The following PCDHA9 variants were observed in gnomAD, a reference collection of about 807,000 sequenced individuals.
The protein encoded by PCDHA9 is protocadherin alpha 9.
In PCDHA9, 62 loss-of-function variants were observed where a neutral mutation model predicts 62.0. The observed-to-expected ratio is 1.00, with a 90% CI of 0.81 to 1.23. PCDHA9 has a LOEUF of 1.23. PCDHA9 is among the 50% of genes most tolerant of loss of function. The pLI is 0.00. For missense variants in PCDHA9, 1,205 were observed against 1,249.8 expected (o/e 0.96, Z 0.54); for synonymous variants, 557 against 567.6 (o/e 0.98, Z 0.27).
chr5:140,948,108 G>A (rs902891466), intron 1 of PCDHA9, among the ~76,000 whole-genome samples: 2 of 151,096 alleles, frequency 1.3e-5, no homozygotes, highest in Non-Finnish European at 3.0e-5. Context: ...ATTTTTCTTC[G>A]TTTTACTAAT....
chr5:140,884,872 T>C (rs1427684688), intron 1 of PCDHA9, among the ~76,000 whole-genome samples: 1 of 152,216 alleles, frequency 6.6e-6, no homozygotes, highest in African/African-American at 2.4e-5. Context: ...CATAATGAAA[T>C]GTGCAAAACA....
chr5:140,871,171 G>GCTGC (rs782249857), intron 1 of PCDHA9: 2 of 1,613,534 alleles, frequency 1.2e-6, no homozygotes, highest in Non-Finnish European at 1.7e-6. Flanking sequence ...GAGCCCAGAG[G>GCTGC]CTGCGCTGGT....
At chr5:140,853,696 TAACGC>T (rs1477764717) in intron 1 of PCDHA9, 1 of 988,156 alleles carries the variant, frequency 1.0e-6, no homozygotes, top group African/African-American at 1.8e-5. Flanking sequence ...TTAGACCTGC[TAACGC>T]ATTAGCATTA....
At position 140,980,991 on chromosome 5, in the gene PCDHA9, C is replaced by G. The variant is rs888673669; in HGVS notation, c.2454-1484C>G. Among the ~76,000 whole-genome samples the G allele has an allele frequency of 1.2e-4, 18 of 151,972 alleles. 1 individual carries two copies. Among genetic ancestry groups the G allele is most frequent in the Non-Finnish European group, 8.8e-5 (6 of 68,014 alleles). ...AATCTGACTGAGCCCACACAATTTG[C>G]TAGTAGGATCCAGGAACACTTGAAG... On this transcript the variant is annotated intron_variant, in intron 2 of 3. Transcript: ENST00000532602.
intron 1 of PCDHA9, among the ~76,000 whole-genome samples, chr5:140,953,847 A>G (rs1165540937): frequency 6.6e-6 from 1 of 152,200 alleles, no homozygotes. Flanking sequence ...CCAGGTAAAC[A>G]TGTGCCATGG....
intron 1 of PCDHA9, chr5:140,927,159 C>G (rs782468229): frequency 6.2e-7 from 1 of 1,614,046 alleles, no homozygotes; most frequent in Non-Finnish European, 8.5e-7. Context: ...TGTGCAGGGC[C>G]AAAGCTGCCT....
intron 1 of PCDHA9, chr5:140,852,917 T>A: frequency 1.3e-6 from 1 of 767,560 alleles, no homozygotes; most frequent in Non-Finnish European, 1.6e-6. Context: ...CTCGCTCTGT[T>A]GCCCAGGCTG....
chr5:140,908,287 C>G (rs781987945), intron 1 of PCDHA9, among the ~76,000 whole-genome samples: 1 of 152,136 alleles, frequency 6.6e-6, no homozygotes, highest in African/African-American at 2.4e-5. Flanking sequence ...TTGTTGCAAG[C>G]TGGGGAAGAG....
chr5:140,874,903 C>A (rs543752012), intron 1 of PCDHA9, among the ~76,000 whole-genome samples: 1 of 152,054 alleles, frequency 6.6e-6, no homozygotes, highest in Non-Finnish European at 1.5e-5. Context: ...TAAAATCTTA[C>A]GATGGAGTGC....
intron 1 of PCDHA9, among the ~76,000 whole-genome samples, chr5:140,950,908 T>G (rs1259421351): frequency 6.6e-6 from 1 of 152,072 alleles, no homozygotes; most frequent in Non-Finnish European, 1.5e-5. Flanking sequence ...TTTATTTTTA[T>G]TTTATTTCAG....
At chr5:140,921,428 T>G (rs1291283426) in intron 1 of PCDHA9, among the ~76,000 whole-genome samples, 1 of 152,190 alleles carries the variant, frequency 6.6e-6, no homozygotes, top group Non-Finnish European at 1.5e-5. Context: ...GACAAAAATT[T>G]TCTTCAATGG....
chr5:140,910,346 G>C (rs2074987326), intron 1 of PCDHA9, among the ~76,000 whole-genome samples: 1 of 152,152 alleles, frequency 6.6e-6, no homozygotes, highest in Admixed American at 6.5e-5. Flanking sequence ...CTTTGCCTCT[G>C]CTGTCCATTA....
At chr5:140,990,988 C>A (rs1332573282) in intron 3 of PCDHA9, among the ~76,000 whole-genome samples, 5 of 152,184 alleles carry the variant, frequency 3.3e-5, no homozygotes, top group Admixed American at 6.5e-5. Flanking sequence ...AAGACAATAG[C>A]TACCATTTAT....
rs2150495171 is a variant in PCDHA9, at chr5:140,850,706, G to C, written c.2211G>C (p.Pro737=). 11 of 1,598,012 alleles carry C rather than the reference G, an allele frequency of 6.9e-6. 1 individual carries two copies. The highest frequency in any genetic ancestry group is 1.7e-5 in the Admixed American group (1 of 59,234). ...PTEGECAPGK[P]TLVCSSAVGS... is the part of the protein sequence containing the mutation. The stretch of plus-strand genomic sequence containing the variant: ...AGGGCGAGTGCGCGCCTGGCAAGCC[G>C]ACGCTGGTGTGTTCTAGCGCGGTGG... The change falls in exon 1 of 4, where the codon CCG becomes CCC. Residue 737 remains proline (P), a synonymous_variant. Transcript: ENST00000532602.
Position 140,851,554 on chromosome 5 carries a change from A to G in PCDHA9, c.2394+665A>G. On this transcript the variant is annotated intron_variant, in intron 1 of 3. Transcript: ENST00000532602. Reference sequence around the variant, plus strand: ...AATGTAGATAATTCAAGAAATGTTGACTGAAATTTTGTCTACACTTAGAAC... The same window carrying G: ...AATGTAGATAATTCAAGAAATGTTGGCTGAAATTTTGTCTACACTTAGAAC... 9.9e-6 allele frequency: 9 copies of G among 909,036 alleles called. 1 individual carries two copies. The highest frequency in any genetic ancestry group is 1.1e-5 in the Non-Finnish European group (8 of 746,402). The allele number at this position is 909,036 out of a possible 1,614,324, so 56.3% of individuals were successfully genotyped here.
intron 1 of PCDHA9, among the ~76,000 whole-genome samples, chr5:140,952,252 A>T (rs1230858145): frequency 6.6e-6 from 1 of 151,034 alleles, no homozygotes; most frequent in Admixed American, 6.6e-5. Context: ...CTGCTGGTGG[A>T]TTCCCATTCT....
chr5:140,986,714 CATT>C (rs1426352732), intron 3 of PCDHA9, among the ~76,000 whole-genome samples: 4 of 152,118 alleles, frequency 2.6e-5, no homozygotes, highest in Non-Finnish European at 4.4e-5. Flanking sequence ...CAGAAGATAA[CATT>C]ATAGCTTCTC....
At chr5:140,966,395 T>A in intron 1 of PCDHA9, 1 of 404,602 alleles carries the variant, frequency 2.5e-6, no homozygotes, top group Non-Finnish European at 4.3e-6. Flanking sequence ...GTCCGCCACT[T>A]CGGCGCGGAA....
chr5:141,003,445 G>A (rs2098125256), intron 3 of PCDHA9, among the ~76,000 whole-genome samples: 1 of 152,112 alleles, frequency 6.6e-6, no homozygotes, highest in African/African-American at 2.4e-5. Flanking sequence ...CCAAGTAGAT[G>A]AAATTACAGG....
Sources: allele counts gnomAD v4.1 joint callset (sites outside exome capture counted in the v4.1 genomes callset), GRCh38; gene constraint gnomAD v4.1.1; transcripts MANE v1.5; gene names NCBI Gene and HGNC (gene_info 2026-07-23, HGNC 2026-07-21).